ATP5MC3: variants seen among roughly 807,000 people sequenced by gnomAD.
The protein encoded by ATP5MC3 is ATP synthase F(0) complex subunit C3, mitochondrial.
In ATP5MC3, 6 loss-of-function variants were observed where a neutral mutation model predicts 15.6. The ratio of observed to expected loss-of-function variants is 0.38; its 90% CI spans 0.21 to 0.76. ATP5MC3 has a LOEUF of 0.76. ATP5MC3 is among the 30% of genes least tolerant of loss of function. The pLI is 0.44. For synonymous variants in ATP5MC3, 66 were observed against 63.3 expected, an observed-to-expected ratio of 1.04 and a Z score of -0.20; for missense variants, 132 against 171.2, an observed-to-expected ratio of 0.77 and a Z score of 1.28.
rs1273965426 is a variant in ATP5MC3, at chr2:175,176,627, C to T, written c.*1661G>A. ...AATTTTCATCATCCTAAAAGGAATCCCCATACGCATTACGCAGTCACTCCC... is the reference window on the plus strand; with the variant it reads ...AATTTTCATCATCCTAAAAGGAATCTCCATACGCATTACGCAGTCACTCCC... On this transcript the variant is annotated 3_prime_UTR_variant, in exon 5 of 5. Coordinates refer to ENST00000284727, the MANE Select transcript of ATP5MC3 (RefSeq NM_001689.5). The T allele has an allele frequency of 6.6e-6, 1 of 152,110 alleles. No homozygotes were observed. Among genetic ancestry groups the T allele is most frequent in the Non-Finnish European group, 1.5e-5 (1 of 68,012 alleles). The allele number at this position is 152,110 out of a possible 1,614,324, so 9.4% of individuals were successfully genotyped here.
intron 2 of ATP5MC3, among the ~76,000 whole-genome samples, chr2:175,180,992 A>T (rs562925606): frequency 6.6e-6 from 1 of 152,202 alleles, no homozygotes; most frequent in Non-Finnish European, 1.5e-5. Context: ...GAGGTGAACT[A>T]GGCCTCAACG....
At position 175,181,402 on chromosome 2, in the gene ATP5MC3, C is replaced by G. The variant is rs375608255; in HGVS notation, c.-9G>C. On this transcript the variant is annotated 5_prime_UTR_variant, in exon 2 of 5. Coordinates refer to ENST00000284727, the MANE Select transcript of ATP5MC3 (RefSeq NM_001689.5). ...TTGGCGCAGGCGAACATCTTACACTCTTCGGGACTGCGCGGCTGGAGATAT... is the reference window on the plus strand; with the variant it reads ...TTGGCGCAGGCGAACATCTTACACTGTTCGGGACTGCGCGGCTGGAGATAT... 3.1e-6 allele frequency: 5 copies of G among 1,613,520 alleles called. No homozygotes were observed. In the Admixed American group the frequency reaches 6.7e-5, roughly 22 times the overall value.
intron 2 of ATP5MC3, 76 bp downstream of exon 2, chr2:175,181,276 TTGC>T: frequency 6.5e-7 from 1 of 1,529,190 alleles, no homozygotes; most frequent in Non-Finnish European, 8.9e-7. Flanking sequence ...CGCCCGAAGG[TTGC>T]CCCATTCAAC....
At position 175,178,260 on chromosome 2, in the gene ATP5MC3, G is replaced by A. The variant is rs772522917; in HGVS notation, c.*28C>T. 2.5e-6 allele frequency: 4 copies of A among 1,598,482 alleles called. No individual in the cohort carries two copies. The highest frequency in any genetic ancestry group is 3.4e-6 in the Non-Finnish European group (4 of 1,175,396). On this transcript the variant is annotated 3_prime_UTR_variant, in exon 5 of 5. Coordinates refer to ENST00000284727, the MANE Select transcript of ATP5MC3 (RefSeq NM_001689.5). ...ACAGAATTACATCCGTAATTAATATGAATGCCAACATGTCAAGCAGTAATT... is the reference window on the plus strand; with the variant it reads ...ACAGAATTACATCCGTAATTAATATAAATGCCAACATGTCAAGCAGTAATT...
rs753201238 is a variant in ATP5MC3, at chr2:175,180,124, G to T, written c.94C>A (p.Arg32=). 2.5e-6 allele frequency: 4 copies of T among 1,600,322 alleles called. No individual in the cohort carries two copies. In the South Asian group the frequency reaches 3.4e-5, roughly 14 times the overall value. Residue 32 remains arginine, a synonymous_variant, in exon 3 of 5, where the codon CGA becomes AGA. Transcript: ENST00000284727. ...TCTCCAGTCCTACTAGCCTCTGGTC[G>T]AGATAACACTGATGCAGAAATTGGT... ...YRPISASVLS[R]PEASRTGEGS...
chr2:175,181,334 G>T (rs779583781), intron 2 of ATP5MC3, 21 bp downstream of exon 2: 2 of 1,611,760 alleles, frequency 1.2e-6, no homozygotes, highest in East Asian at 4.5e-5. Context: ...CAATCCCCCC[G>T]ACCCTGCCTG....
At chr2:175,181,005 C>G (rs1051855316) in intron 2 of ATP5MC3, among the ~76,000 whole-genome samples, 2 of 152,144 alleles carry the variant, frequency 1.3e-5, no homozygotes, top group Non-Finnish European at 2.9e-5. Context: ...CCTCAACGGC[C>G]CCCTACATCC....
chr2:175,178,334 C>T lies in ATP5MC3; in HGVS notation c.383G>A (p.Gly128Asp). The T allele has an allele frequency of 6.2e-7, 1 of 1,612,866 alleles. No individual in the cohort carries two copies. Among genetic ancestry groups the T allele is most frequent in the Admixed American group, 1.7e-5 (1 of 59,854 alleles). ...ILGFALSEAM[G>D]LFCLMVAFLI... ...GAAAGCAACCATCAAACAAAAGAGA[C>T]CCATAGCTTCAGACAAGGCAAATCC... The change falls in exon 5 of 5, where the codon GGT (glycine) becomes GAT (aspartate). Residue 128 changes from glycine (G) to aspartate (D), a missense_variant. Coordinates refer to ENST00000284727, the MANE Select transcript of ATP5MC3 (RefSeq NM_001689.5).
At position 175,176,600 on chromosome 2, in the gene ATP5MC3, C is replaced by A. The variant is rs189602479; in HGVS notation, c.*1688G>T. The A allele has an allele frequency of 6.6e-6, 1 of 152,156 alleles. No homozygotes were observed. Among genetic ancestry groups the A allele is most frequent in the African/African-American group, 2.4e-5 (1 of 41,436 alleles). 9.4% of individuals were successfully genotyped at this position (152,156 alleles called of 1,614,324 possible). ...TACCATCAGACCAGCTGTAATTCAT[C>A]CAATTTTCATCATCCTAAAAGGAAT... On this transcript the variant is annotated 3_prime_UTR_variant, in exon 5 of 5. Transcript: ENST00000284727.
In ATP5MC3 at chr2:175,181,670, G is replaced by A. The variant is rs1234612703; in HGVS notation, c.-88C>T. 8.3e-6 allele frequency: 4 copies of A among 481,064 alleles called. No individual in the cohort carries two copies. In the Admixed American group the frequency reaches 1.6e-4, roughly 19 times the overall value. The allele number at this position is 481,064 out of a possible 1,614,324, so 29.8% of individuals were successfully genotyped here. On this transcript the variant is annotated 5_prime_UTR_variant, in exon 1 of 5. Coordinates refer to ENST00000284727, the MANE Select transcript of ATP5MC3 (RefSeq NM_001689.5). ...CCTCCACTTACCTTCCCAGGAGGCG[G>A]CGGCGGCACGGGCTGCGGCAGAGGT...
chr2:175,177,354 C>T lies in ATP5MC3; in HGVS notation c.*934G>A, dbSNP rs1473865458. 3 of 152,120 alleles carry T rather than the reference C, an allele frequency of 2.0e-5. No homozygotes were observed. Among genetic ancestry groups the T allele is most frequent in the African/African-American group, 4.8e-5 (2 of 41,432 alleles). 9.4% of individuals were successfully genotyped at this position (152,120 alleles called of 1,614,324 possible). ...TTCCTAATTATCAACTTTCAAAAAA[C>T]CCTGAAACTTGGATGATAGATATTA... On this transcript the variant is annotated 3_prime_UTR_variant, in exon 5 of 5. Coordinates refer to ENST00000284727, the MANE Select transcript of ATP5MC3 (RefSeq NM_001689.5).
chr2:175,178,312 A>T lies in ATP5MC3; in HGVS notation c.405T>A (p.Ala135=). ...GTTACATGGCAAACAAAATCAAGAA[A>T]GCAACCATCAAACAAAAGAGACCCA... ...EAMGLFCLMV[A]FLILFAM is the part of the protein sequence containing the mutation. The change falls in exon 5 of 5, where the codon GCT becomes GCA. Residue 135 remains alanine (A), a synonymous_variant. Coordinates refer to ENST00000284727, the MANE Select transcript of ATP5MC3 (RefSeq NM_001689.5). 6.2e-7 allele frequency: 1 copy of T among 1,610,606 alleles called. No homozygotes were observed. The highest frequency in any genetic ancestry group is 8.5e-7 in the Non-Finnish European group (1 of 1,179,080).
At chr2:175,178,628 A>T (rs1700723677) in intron 4 of ATP5MC3, 3 of 1,268,272 alleles carry the variant, frequency 2.4e-6, no homozygotes, top group Non-Finnish European at 9.9e-7. Flanking sequence ...ATTCATTTTG[A>T]TGGGTTCTGA....
At position 175,181,710 on chromosome 2, in the gene ATP5MC3, T is replaced by C; in HGVS notation, c.-128A>G. ...GCGGCAGAGGTCGAAGGAGTGGGAC[T>C]CAATGCGCAAGCGCGGTCCGGCTCT... On this transcript the variant is annotated 5_prime_UTR_variant, in exon 1 of 5. Coordinates refer to ENST00000284727, the MANE Select transcript of ATP5MC3 (RefSeq NM_001689.5). 2.7e-6 allele frequency: 1 copy of C among 369,346 alleles called. No individual in the cohort carries two copies. Among genetic ancestry groups the C allele is most frequent in the Non-Finnish European group, 4.9e-6 (1 of 205,164 alleles). 22.9% of individuals were successfully genotyped at this position (369,346 alleles called of 1,614,324 possible). A position where few individuals can be genotyped will look rare whatever the true frequency, so the allele number is the denominator to read the frequency against.
At position 175,177,358 on chromosome 2, in the gene ATP5MC3, GA is replaced by G. The variant is rs1156599313; in HGVS notation, c.*929del. 6.6e-6 allele frequency: 1 copy of G among 152,128 alleles called. No homozygotes were observed. Among genetic ancestry groups the G allele is most frequent in the Non-Finnish European group, 1.5e-5 (1 of 68,008 alleles). The allele number at this position is 152,128 out of a possible 1,614,324, so 9.4% of individuals were successfully genotyped here. A position where few individuals can be genotyped will look rare whatever the true frequency, so the allele number is the denominator to read the frequency against. ...TAATTATCAACTTTCAAAAAACCCT[GA>G]AACTTGGATGATAGATATTATGGTA... On this transcript the variant is annotated 3_prime_UTR_variant, in exon 5 of 5. Transcript: ENST00000284727.
rs1700713965 is a variant in ATP5MC3, at chr2:175,178,075, C to T, written c.*213G>A. On this transcript the variant is annotated 3_prime_UTR_variant, in exon 5 of 5. Transcript: ENST00000284727. ...CTGTAGCTTCCTCTGAATGGGACAGCATCTGCCTGAATGCACGTTCTTCTT... is the reference window on the plus strand; with the variant it reads ...CTGTAGCTTCCTCTGAATGGGACAGTATCTGCCTGAATGCACGTTCTTCTT... 4 of 857,004 alleles carry T rather than the reference C, an allele frequency of 4.7e-6. No individual in the cohort carries two copies. The highest frequency in any genetic ancestry group is 6.5e-6 in the Non-Finnish European group (4 of 619,940). The allele number at this position is 857,004 out of a possible 1,614,324, so 53.1% of individuals were successfully genotyped here.
intron 1 of ATP5MC3, 68 bp from the exon 2 acceptor site, chr2:175,181,534 AG>A (rs1481869096): frequency 3.8e-4 from 376 of 986,968 alleles, no homozygotes; most frequent in Non-Finnish European, 5.1e-4. Context: ...CAGGCCCCGC[AG>A]GCTCCCGTGC....
At chr2:175,181,229 G>C (rs1475095727) in intron 2 of ATP5MC3, 126 bp downstream of exon 2, 1 of 1,178,952 alleles carries the variant, frequency 8.5e-7, no homozygotes, top group African/African-American at 1.5e-5. Flanking sequence ...GGGTTAATAG[G>C]TAAGGAGAAA....
intron 3 of ATP5MC3, 65 bp from the exon 4 acceptor site, chr2:175,179,315 A>G (rs1301659395): frequency 2.0e-6 from 3 of 1,507,046 alleles, no homozygotes; most frequent in Non-Finnish European, 2.7e-6. Context: ...TTAATTAAAT[A>G]CCATATTGTC....
Sources: gnomAD v4.1 joint callset for allele counts (sites outside exome capture counted in the v4.1 genomes callset) on GRCh38, gnomAD v4.1.1 for gene constraint, MANE v1.5 for transcripts, NCBI Gene and HGNC (gene_info 2026-07-23, HGNC 2026-07-21) for gene names.